The following MAP2K5 variants were observed in gnomAD, a reference collection of about 807,000 sequenced individuals.
MAP2K5 encodes dual specificity mitogen-activated protein kinase kinase 5.
A neutral mutation model predicts 83.1 loss-of-function variants in MAP2K5; 49 were observed. The ratio of observed to expected loss-of-function variants is 0.59; its 90% CI spans 0.47 to 0.75. MAP2K5 has a LOEUF of 0.75. Ranked by LOEUF, MAP2K5 falls within the 30% of genes least tolerant of loss-of-function variation. The pLI is 0.00. For synonymous variants in MAP2K5, 202 were observed against 191.8 expected, an observed-to-expected ratio of 1.05 and a Z score of -0.44; for missense variants, 457 against 557.5, an observed-to-expected ratio of 0.82 and a Z score of 1.82.
chr15:67,658,421 G>A, intron 11 of MAP2K5, 132 bp from the exon 12 acceptor site: 1 of 669,078 alleles, frequency 1.5e-6, no homozygotes, highest in South Asian at 1.8e-5. Flanking sequence ...GGACTAAAAA[G>A]TTTTATACTA....
Position 67,748,107 on chromosome 15 carries a change from A to G in MAP2K5, c.1075-124A>G, listed in dbSNP as rs1007035278. On this transcript the variant is annotated intron_variant, in intron 17 of 21. Transcript: ENST00000178640. The surrounding 1 kb of genome is among the most constrained non-coding windows in gnomAD (Gnocchi z 4.0). The stretch of plus-strand genomic sequence containing the variant: ...AACATTTGTGTATTTTCATTATGTA[A>G]ATTGTGTTAACACATGCCCACAAAT... 1.1e-5 allele frequency: 7 copies of G among 652,358 alleles called. No individual in the cohort carries two copies. Among genetic ancestry groups the G allele is most frequent in the African/African-American group, 1.8e-5 (1 of 55,222 alleles). The allele number at this position is 652,358 out of a possible 1,614,324, so 40.4% of individuals were successfully genotyped here. A position where few individuals can be genotyped will look rare whatever the true frequency, so the allele number is the denominator to read the frequency against.
intron 17 of MAP2K5, among the ~76,000 whole-genome samples, chr15:67,732,310 A>G (rs1409119236): frequency 6.6e-6 from 1 of 152,174 alleles, no homozygotes; most frequent in Non-Finnish European, 1.5e-5. Flanking sequence ...AAAAATTGTC[A>G]TCCTTCATTC....
At chr15:67,726,442 C>A (rs765838137) in intron 16 of MAP2K5, among the ~76,000 whole-genome samples, 5 of 152,112 alleles carry the variant, frequency 3.3e-5, no homozygotes, top group Non-Finnish European at 7.4e-5. Flanking sequence ...GATGAACAAG[C>A]TGAGGGGTAT....
At position 67,727,948 on chromosome 15, in the gene MAP2K5, A is replaced by G; in HGVS notation, c.1074+3A>G. On this transcript the variant is annotated splice_donor_region_variant and intron_variant, in intron 17 of 21. Transcript: ENST00000178640. ...TTGGGAGGTTTCCATATCCTCAGGT[A>G]AGATTGTTCATTACTGCTGTTTGCC... 1 of 1,610,820 alleles carries G rather than the reference A, an allele frequency of 6.2e-7. No individual in the cohort carries two copies. Among genetic ancestry groups the G allele is most frequent in the Non-Finnish European group, 8.5e-7 (1 of 1,177,020 alleles).
intron 6 of MAP2K5, among the ~76,000 whole-genome samples, chr15:67,590,810 C>T (rs1451429939): frequency 6.6e-6 from 1 of 152,074 alleles, no homozygotes; most frequent in Non-Finnish European, 1.5e-5. Flanking sequence ...ACTACTACTG[C>T]CACCACAGTA....
At chr15:67,594,090 A>T (rs967728724) in intron 7 of MAP2K5, among the ~76,000 whole-genome samples, 4 of 152,232 alleles carry the variant, frequency 2.6e-5, no homozygotes, top group African/African-American at 9.7e-5. Flanking sequence ...TCTGCTTCTG[A>T]CATCTGATTG....
intron 16 of MAP2K5, among the ~76,000 whole-genome samples, chr15:67,710,153 C>T (rs1313638392): frequency 6.6e-6 from 1 of 152,190 alleles, no homozygotes; most frequent in Admixed American, 6.5e-5. Context: ...CACCACCGCA[C>T]CCATCTGAAA....
At chr15:67,789,295 A>AAT (rs2090473569) in intron 21 of MAP2K5, among the ~76,000 whole-genome samples, 1 of 152,156 alleles carries the variant, frequency 6.6e-6, no homozygotes. Flanking sequence ...TTTTGTTATT[A>AAT]AGACAGTGAC....
intron 8 of MAP2K5, among the ~76,000 whole-genome samples, chr15:67,627,641 T>C (rs1215663446): frequency 6.6e-6 from 1 of 152,244 alleles, no homozygotes; most frequent in East Asian, 1.9e-4. Context: ...AACTAAATCA[T>C]TTCTATAAGT....
chr15:67,590,370 T>C (rs1373924610), intron 6 of MAP2K5, among the ~76,000 whole-genome samples: 1 of 151,916 alleles, frequency 6.6e-6, no homozygotes, highest in South Asian at 2.1e-4. Context: ...TTTCTCTTTT[T>C]TTCCTTTTCA....
chr15:67,613,741 A>T (rs755083356), intron 8 of MAP2K5, among the ~76,000 whole-genome samples: 1 of 151,850 alleles, frequency 6.6e-6, no homozygotes, highest in Admixed American at 6.6e-5. Context: ...AAGCTTCTCC[A>T]TACTCATTTT....
intron 11 of MAP2K5, among the ~76,000 whole-genome samples, chr15:67,654,558 T>G (rs1284249123): frequency 6.6e-6 from 1 of 152,202 alleles, no homozygotes; most frequent in African/African-American, 2.4e-5. Context: ...ATCTATCCCA[T>G]TCTATTTGTT....
At chr15:67,631,510 A>G (rs963061799) in intron 9 of MAP2K5, among the ~76,000 whole-genome samples, 1 of 152,080 alleles carries the variant, frequency 6.6e-6, no homozygotes, top group Non-Finnish European at 1.5e-5. Context: ...TGCCTTCCTC[A>G]ATCATGTACA....
Position 67,646,284 on chromosome 15 carries a change from G to A in MAP2K5, c.639G>A (p.Leu213=), listed in dbSNP as rs2086829642. ...LELQKQIMSE[L]EILYKCDSSY... is the part of the protein sequence containing the mutation. The stretch of plus-strand genomic sequence containing the variant: ...TTCAGAAGCAAATTATGTCTGAATT[G>A]GAAATTCTTTATAAGGTAATTTTTT... The change falls in exon 10 of 22, where the codon TTG becomes TTA. Residue 213 remains leucine, a synonymous_variant. Coordinates refer to ENST00000178640, the MANE Select transcript of MAP2K5 (RefSeq NM_145160.3). The A allele has an allele frequency of 1.4e-6, 2 of 1,455,002 alleles. No homozygotes were observed. The highest frequency in any genetic ancestry group is 1.8e-5 in the Admixed American group (1 of 56,760). The allele number at this position is 1,455,002 out of a possible 1,614,324, so 90.1% of individuals were successfully genotyped here. A position where few individuals can be genotyped will look rare whatever the true frequency, so the allele number is the denominator to read the frequency against.
At chr15:67,642,362 G>A in intron 9 of MAP2K5, 2 of 1,442,172 alleles carry the variant, frequency 1.4e-6, no homozygotes, top group Non-Finnish European at 1.9e-6. Flanking sequence ...ACAAGACTCA[G>A]CCCTTGCCCT....
intron 11 of MAP2K5, among the ~76,000 whole-genome samples, chr15:67,650,243 A>G (rs905234895): frequency 3.3e-5 from 5 of 152,188 alleles, no homozygotes; most frequent in Non-Finnish European, 7.3e-5. Flanking sequence ...GGTTCTCTAT[A>G]TACAAGATAA....
rs1322629896 is a variant in MAP2K5 at position 67,677,490 on chromosome 15, A to C, written c.847+12845A>C. Among the ~76,000 whole-genome samples the C allele has an allele frequency of 6.6e-6, 1 of 152,222 alleles. No individual in the cohort carries two copies. The highest frequency in any genetic ancestry group is 2.4e-5 in the African/African-American group (1 of 41,460). On this transcript the variant is annotated intron_variant, in intron 13 of 21. Coordinates refer to ENST00000178640, the MANE Select transcript of MAP2K5 (RefSeq NM_145160.3). The surrounding 1 kb of genome is among the most constrained non-coding windows in gnomAD (Gnocchi z 4.2). The stretch of plus-strand genomic sequence containing the variant: ...TATTTCTTTAAAACAAATTACCAGG[A>C]TTAGTCTTCGGGACACACCGCTCCA...
Position 67,717,146 on chromosome 15 carries a change from A to G in MAP2K5, c.1045-10770A>G, listed in dbSNP as rs2088846106. 1.3e-5 allele frequency among the ~76,000 whole-genome samples: 2 copies of G among 152,220 alleles called. No homozygotes were observed. The highest frequency in any genetic ancestry group is 2.9e-5 in the Non-Finnish European group (2 of 68,032). ...TGGAACTGAGCAGGAAATCAGATAA[A>G]GGAAAAGACAGGTTAACTGTGACTC... On this transcript the variant is annotated intron_variant, in intron 16 of 21. Transcript: ENST00000178640. This position sits in a 1 kb window ranked among gnomAD's most constrained non-coding sequence, Gnocchi z 4.1.
chr15:67,744,635 G>A (rs2141269241), intron 17 of MAP2K5, among the ~76,000 whole-genome samples: 1 of 152,330 alleles, frequency 6.6e-6, no homozygotes, highest in East Asian at 1.9e-4. Flanking sequence ...GGGGCTGGTA[G>A]CAAGATCTGT....
Sources: gnomAD v4.1 joint callset for allele counts (sites outside exome capture counted in the v4.1 genomes callset) on GRCh38, gnomAD v4.1.1 for gene constraint, Gnocchi (gnomAD v3.1) non-coding constraint, MANE v1.5 for transcripts, NCBI Gene and HGNC (gene_info 2026-07-23, HGNC 2026-07-21) for gene names.